Variants in PCCA observed in about 807,000 individuals in gnomAD.
PCCA encodes propionyl-CoA carboxylase alpha chain, mitochondrial.
Under a neutral mutation model 101.3 loss-of-function variants are expected in PCCA, and 74 were observed. The observed-to-expected ratio is 0.73, with a 90% confidence interval of 0.61 to 0.89. The LOEUF (loss-of-function observed/expected upper bound fraction) is 0.89, where lower values mean the gene tolerates loss of function less well. PCCA is among the 40% of genes least tolerant of loss of function. The pLI, the probability that PCCA is intolerant of heterozygous loss-of-function variation, is 0.00. For synonymous variants in PCCA, 294 were observed against 313.6 expected (o/e 0.94, Z 0.66); for missense variants, 891 against 907.0 (o/e 0.98, Z 0.23).
intron 16 of PCCA, among the ~76,000 whole-genome samples, chr13:100,329,940 G>A (rs545377280): frequency 5.8e-4 from 88 of 152,292 alleles, no homozygotes; most frequent in African/African-American, 1.9e-3. Context: ...GTTGGTCAAC[G>A]AGAAATGTCC....
At chr13:100,098,429 A>G (rs1006065788) in intron 1 of PCCA, among the ~76,000 whole-genome samples, 2 of 152,168 alleles carry the variant, frequency 1.3e-5, no homozygotes, top group Non-Finnish European at 2.9e-5. Flanking sequence ...TAGGGCACAG[A>G]TTGTGCTACT....
At chr13:100,150,932 G>A in intron 4 of PCCA, 4 of 1,534,926 alleles carry the variant, frequency 2.6e-6, no homozygotes, top group Non-Finnish European at 3.6e-6. Flanking sequence ...ACCTTGCTTG[G>A]CCTCGCAGCC....
intron 4 of PCCA, among the ~76,000 whole-genome samples, chr13:100,146,342 C>T (rs189543771): frequency 0.018 from 2,670 of 151,676 alleles, 83 homozygotes; most frequent in African/African-American, 0.06. Flanking sequence ...TTTGGGAGGC[C>T]GAGGCAGACG....
At chr13:100,241,271 A>T (rs898217260) in intron 8 of PCCA, among the ~76,000 whole-genome samples, 1 of 149,898 alleles carries the variant, frequency 6.7e-6, no homozygotes. Flanking sequence ...CTAGTCCCTG[A>T]CAACCATTAA....
chr13:100,287,760 CATAGCTTCATG>C (rs925603932), intron 12 of PCCA, among the ~76,000 whole-genome samples: 1 of 152,042 alleles, frequency 6.6e-6, no homozygotes, highest in Non-Finnish European at 1.5e-5. Context: ...AGCATCTTAC[CATAGCTTCATG>C]ATTAGTGAGT....
chr13:100,421,722 T>G (rs1201601430), intron 19 of PCCA, among the ~76,000 whole-genome samples: 1 of 152,180 alleles, frequency 6.6e-6, no homozygotes, highest in Non-Finnish European at 1.5e-5. Flanking sequence ...TCCCGCTCTG[T>G]CGTGCAGGCT....
intron 7 of PCCA, among the ~76,000 whole-genome samples, chr13:100,230,989 G>A (rs777332943): frequency 2.0e-5 from 3 of 152,040 alleles, no homozygotes; most frequent in Non-Finnish European, 4.4e-5. Context: ...CCTTCCCCTC[G>A]CCTCTCTCTT....
At chr13:100,134,717 T>C (rs1260136720) in intron 4 of PCCA, among the ~76,000 whole-genome samples, 1 of 151,944 alleles carries the variant, frequency 6.6e-6, no homozygotes, top group Non-Finnish European at 1.5e-5. Flanking sequence ...CATGCCCAGC[T>C]AGGTTTTTAA....
intron 6 of PCCA, among the ~76,000 whole-genome samples, chr13:100,201,882 AAAAAAAC>A (rs2058530269): frequency 9.5e-5 from 14 of 147,124 alleles, no homozygotes; most frequent in African/African-American, 2.9e-4. Context: ...AAAAAAAAAA[AAAAAAAC>A]CAAAAGCAGG....
intron 19 of PCCA, among the ~76,000 whole-genome samples, chr13:100,398,284 A>G (rs746875593): frequency 2.6e-4 from 40 of 152,238 alleles, no homozygotes; most frequent in Non-Finnish European, 4.6e-4. Context: ...GGTTCAACCT[A>G]TTCCACTGGG....
At chr13:100,261,413 T>C (rs2062501655) in intron 9 of PCCA, among the ~76,000 whole-genome samples, 1 of 151,930 alleles carries the variant, frequency 6.6e-6, no homozygotes, top group Non-Finnish European at 1.5e-5. Context: ...TCACCCAGGC[T>C]GTAGTGCAGT....
intron 15 of PCCA, among the ~76,000 whole-genome samples, chr13:100,308,215 T>C (rs1389663306): frequency 6.6e-6 from 1 of 152,232 alleles, no homozygotes; most frequent in Non-Finnish European, 1.5e-5. Flanking sequence ...TATTGAGGAA[T>C]GATTTGTTTT....
intron 8 of PCCA, among the ~76,000 whole-genome samples, chr13:100,255,559 G>A (rs2062019959): frequency 1.3e-5 from 2 of 152,148 alleles, no homozygotes; most frequent in African/African-American, 4.8e-5. Context: ...TTGTGATGAT[G>A]CATTGATAAA....
intron 14 of PCCA, chr13:100,305,756 G>T: frequency 2.5e-6 from 1 of 398,488 alleles, no homozygotes; most frequent in South Asian, 2.1e-5. Flanking sequence ...TCTAGTTTTT[G>T]TCAACACTGT....
At position 100,235,855 on chromosome 13, in the gene PCCA, C is replaced by CT. The variant is rs1566767338; in HGVS notation, c.615dup (p.Val206CysfsTer30). ...CTGCTTTTACAGGATGCAGAAGAAG[C>CT]TGTCAGAATTGCAAGGGAAATTGGT... On this transcript the variant is annotated frameshift_variant, in exon 8 of 24. Coordinates refer to ENST00000376285, the MANE Select transcript of PCCA (RefSeq NM_000282.4). LOFTEE classifies it high-confidence loss of function. The CT allele has an allele frequency of 3.7e-6, 6 of 1,607,684 alleles. No homozygotes were observed. The highest frequency in any genetic ancestry group is 5.1e-6 in the Non-Finnish European group (6 of 1,174,276).
At chr13:100,235,762 A>G (rs1814384250) in intron 7 of PCCA, 80 bp from the exon 8 acceptor site, 6 of 860,574 alleles carry the variant, frequency 7.0e-6, no homozygotes, top group East Asian at 2.4e-5. Flanking sequence ...AGGAGACAGT[A>G]GTGCAATATA....
intron 12 of PCCA, among the ~76,000 whole-genome samples, chr13:100,291,479 G>A (rs1249785700): frequency 6.6e-6 from 1 of 152,202 alleles, no homozygotes; most frequent in East Asian, 1.9e-4. Context: ...GTTTTTAAGT[G>A]CCTTTACTGC....
chr13:100,315,615 T>G (rs12860027), intron 16 of PCCA, among the ~76,000 whole-genome samples: 45,907 of 152,118 alleles, frequency 0.3, 8,366 homozygotes, highest in Middle Eastern at 0.47. Flanking sequence ...AAAATCCTCA[T>G]GAAATAAGAG....
intron 6 of PCCA, among the ~76,000 whole-genome samples, chr13:100,181,023 G>A (rs1003743032): frequency 2.0e-5 from 3 of 152,190 alleles, no homozygotes; most frequent in Admixed American, 1.3e-4. Context: ...TTGGAAGCCA[G>A]GTTCTCTTGC....
Sources: gnomAD v4.1 joint callset for allele counts (sites outside exome capture counted in the v4.1 genomes callset) on GRCh38, gnomAD v4.1.1 for gene constraint, MANE v1.5 for transcripts, NCBI Gene and HGNC (gene_info 2026-07-23, HGNC 2026-07-21) for gene names.